Variants in ZBTB16 observed in about 807,000 individuals in gnomAD.
The protein encoded by ZBTB16 is zinc finger and BTB domain-containing protein 16.
In ZBTB16, 8 loss-of-function variants were observed where a neutral mutation model predicts 56.8. The ratio of observed to expected loss-of-function variants is 0.14; its 90% confidence interval spans 0.08 to 0.25. The LOEUF (loss-of-function observed/expected upper bound fraction) is 0.25. Ranked by LOEUF, ZBTB16 falls within the 10% of genes least tolerant of loss-of-function variation. The pLI is 1.00. For missense variants in ZBTB16, 625 were observed against 903.0 expected (o/e 0.69, Z 3.95); for synonymous variants, 363 against 368.5 (o/e 0.98, Z 0.17).
chr11:114,091,540 T>C (rs1261453069), intron 2 of ZBTB16, among the ~76,000 whole-genome samples: 2 of 151,938 alleles, frequency 1.3e-5, no homozygotes, highest in Non-Finnish European at 2.9e-5. Context: ...CTTGTGAGGG[T>C]GGTTGCCACT....
chr11:114,149,578 C>CAT (rs1318273974), intron 2 of ZBTB16, among the ~76,000 whole-genome samples: 1 of 152,102 alleles, frequency 6.6e-6, no homozygotes, highest in Non-Finnish European at 1.5e-5. Flanking sequence ...TTATGGCATA[C>CAT]ATAAAGAGCT....
At position 114,063,197 on chromosome 11, in the gene ZBTB16, C is replaced by A; in HGVS notation, c.-90-14C>A. The stretch of plus-strand genomic sequence containing the variant: ...TCTCATCTCTTTTGCTTCTTCCCCT[C>A]TTCTTTCTCCTAGCCTCCTCTATTG... On this transcript the variant is annotated splice_polypyrimidine_tract_variant and intron_variant, in intron 1 of 6. Transcript: ENST00000335953. This position sits in a 1 kb window ranked among gnomAD's most constrained non-coding sequence, Gnocchi z 6.5. 7.6e-7 allele frequency: 1 copy of A among 1,315,644 alleles called. No homozygotes were observed. The highest frequency in any genetic ancestry group is 1.1e-6 in the Non-Finnish European group (1 of 944,260). The allele number at this position is 1,315,644 out of a possible 1,614,324, so 81.5% of individuals were successfully genotyped here.
intron 2 of ZBTB16, among the ~76,000 whole-genome samples, chr11:114,091,225 A>G (rs1384350660): frequency 6.6e-6 from 1 of 152,126 alleles, no homozygotes; most frequent in East Asian, 1.9e-4. Flanking sequence ...GCATGCACCT[A>G]TAGTCCCAGC....
chr11:114,130,442 T>C (rs1565641624), intron 2 of ZBTB16, among the ~76,000 whole-genome samples: 1 of 152,220 alleles, frequency 6.6e-6, no homozygotes, highest in Non-Finnish European at 1.5e-5. Flanking sequence ...CTAGGACTGA[T>C]GCTGTGCCCC....
chr11:114,178,660 T>TAG (rs1364474846), intron 3 of ZBTB16, among the ~76,000 whole-genome samples: 2 of 152,166 alleles, frequency 1.3e-5, no homozygotes, highest in Non-Finnish European at 2.9e-5. Flanking sequence ...AGGGACAAGG[T>TAG]AGACCTGTGT....
chr11:114,155,444 G>C (rs1224921439), intron 2 of ZBTB16, among the ~76,000 whole-genome samples: 1 of 149,804 alleles, frequency 6.7e-6, no homozygotes, highest in African/African-American at 2.5e-5. Context: ...CTAGGGGTCT[G>C]GTGGGAGAGG....
At chr11:114,230,439 T>C (rs981636002) in intron 4 of ZBTB16, among the ~76,000 whole-genome samples, 71 of 152,256 alleles carry the variant, frequency 4.7e-4, no homozygotes, top group African/African-American at 1.7e-3. Context: ...GAATTAACAG[T>C]ATCTGTCTGC....
chr11:114,138,997 CT>C (rs1386432928), intron 2 of ZBTB16, among the ~76,000 whole-genome samples: 1 of 152,130 alleles, frequency 6.6e-6, no homozygotes, highest in African/African-American at 2.4e-5. Context: ...GGCCTACTCC[CT>C]TCCTCTTACA....
chr11:114,209,756 C>T, intron 4 of ZBTB16: 4 of 985,444 alleles, frequency 4.1e-6, no homozygotes, highest in East Asian at 1.1e-4. Flanking sequence ...TCACTTGCCA[C>T]TTCAGGAGTA....
In ZBTB16 at chr11:114,231,610, C is replaced by T. The variant is rs142207549; in HGVS notation, c.1454-10557C>T. On this transcript the variant is annotated intron_variant, in intron 4 of 6. Transcript: ENST00000335953. ...TAAAAATCCCCATCTCACAGTGCTG[C>T]TTGAGAAAGGTTGAACCTAGATTGG... is the stretch of plus-strand genomic sequence containing the variant. Among the ~76,000 whole-genome samples the T allele has an allele frequency of 2.1e-3, 314 of 152,336 alleles. 1 individual carries two copies. Among genetic ancestry groups the T allele is most frequent in the Non-Finnish European group, 3.4e-3 (230 of 68,024 alleles).
intron 4 of ZBTB16, among the ~76,000 whole-genome samples, chr11:114,216,438 C>T (rs898249853): frequency 1.4e-4 from 21 of 152,316 alleles, no homozygotes; most frequent in African/African-American, 4.3e-4. Flanking sequence ...GGCTCTGACC[C>T]AGCCCTTATC....
intron 2 of ZBTB16, among the ~76,000 whole-genome samples, chr11:114,071,003 C>CT (rs1364556908): frequency 1.3e-5 from 2 of 152,214 alleles, no homozygotes; most frequent in African/African-American, 4.8e-5. Context: ...TTTTTCAGCT[C>CT]TGTCACCATT....
At chr11:114,223,218 A>C (rs378331) in intron 4 of ZBTB16, among the ~76,000 whole-genome samples, 97,972 of 152,170 alleles carry the variant, frequency 0.64, 31,669 homozygotes, top group Middle Eastern at 0.69. Flanking sequence ...TGCACTGAGT[A>C]CCACATGAAT....
At chr11:114,207,724 C>T (rs1225593295) in intron 4 of ZBTB16, among the ~76,000 whole-genome samples, 3 of 152,204 alleles carry the variant, frequency 2.0e-5, no homozygotes, top group Non-Finnish European at 4.4e-5. Flanking sequence ...AGCGATTCTC[C>T]TGCCTCGGCC....
chr11:114,108,081 A>T (rs1441942232), intron 2 of ZBTB16, among the ~76,000 whole-genome samples: 2 of 152,120 alleles, frequency 1.3e-5, no homozygotes, highest in African/African-American at 2.4e-5. Context: ...AGAGGAAAGG[A>T]TGAGGAGACC....
At chr11:114,164,016 T>C (rs530505745) in intron 3 of ZBTB16, among the ~76,000 whole-genome samples, 3 of 152,356 alleles carry the variant, frequency 2.0e-5, no homozygotes, top group African/African-American at 7.2e-5. Flanking sequence ...TTTTGTATTC[T>C]GTTCAGCGCT....
intron 2 of ZBTB16, among the ~76,000 whole-genome samples, chr11:114,072,952 T>G (rs1375969103): frequency 6.7e-6 from 1 of 148,642 alleles, no homozygotes; most frequent in Non-Finnish European, 1.5e-5. Context: ...CTCGGGAGGC[T>G]GAGGCAGGAG....
intron 3 of ZBTB16, among the ~76,000 whole-genome samples, chr11:114,174,228 C>T (rs940115353): frequency 2.6e-5 from 4 of 151,906 alleles, no homozygotes; most frequent in African/African-American, 9.7e-5. Context: ...CGTGCCTGGA[C>T]CAGGAGGTGA....
chr11:114,169,361 T>C lies in ZBTB16; in HGVS notation c.1366+12927T>C, dbSNP rs1294065112. ...GAAGCTGGACCACTTGACATGAGGC[T>C]GGTTGTGTCCATTCTCTGACAGCCT... On this transcript the variant is annotated intron_variant, in intron 3 of 6. Coordinates refer to ENST00000335953, the MANE Select transcript of ZBTB16 (RefSeq NM_006006.6). 3.3e-5 allele frequency among the ~76,000 whole-genome samples: 5 copies of C among 152,284 alleles called. No homozygotes were observed. The East Asian group carries it at 9.7e-4, about 29-fold the overall frequency.
Sources: allele counts gnomAD v4.1 joint callset (sites outside exome capture counted in the v4.1 genomes callset), GRCh38; gene constraint gnomAD v4.1.1; non-coding constraint Gnocchi (gnomAD v3.1); transcripts MANE v1.5; gene names NCBI Gene and HGNC (gene_info 2026-07-23, HGNC 2026-07-21).